The following NRG3 variants were observed in gnomAD, a reference collection of about 807,000 sequenced individuals.
The protein encoded by NRG3 is pro-neuregulin-3, membrane-bound isoform.
In NRG3, 31 loss-of-function variants were observed where a neutral mutation model predicts 66.9. That is an observed-to-expected ratio of 0.46 (90% CI 0.35 to 0.63). The LOEUF (loss-of-function observed/expected upper bound fraction) is 0.63. NRG3 is among the 20% of genes least tolerant of loss of function. NRG3 has a pLI of 0.00. For missense variants in NRG3, 910 were observed against 878.9 expected (o/e 1.04, Z -0.45); for synonymous variants, 393 against 359.4 (o/e 1.09, Z -1.06).
Position 81,875,908 on chromosome 10 carries a change from C to T in NRG3, c.568C>T (p.Pro190Ser), listed in dbSNP as rs772311837. ...RSTTARNTAA[P>S]ATVPSTTAPF... ...CACCACAGCACGGAACACTGCGGCCCCTGCGACGGTCCCGTCCACCACGGC... is the reference window on the plus strand; with the variant it reads ...CACCACAGCACGGAACACTGCGGCCTCTGCGACGGTCCCGTCCACCACGGC... The change falls in exon 1 of 9, where the codon CCT becomes TCT. Residue 190 changes from proline to serine, a missense_variant. Physicochemically the swap from Pro to Ser is moderately conservative, Grantham distance 74 (BLOSUM62 -1). Coordinates refer to ENST00000372141, the MANE Select transcript of NRG3 (RefSeq NM_001010848.4). The surrounding 1 kb of genome is among the most constrained non-coding windows in gnomAD (Gnocchi z 5.3). 10 of 1,612,812 alleles carry T rather than the reference C, an allele frequency of 6.2e-6. No individual in the cohort carries two copies. Among genetic ancestry groups the T allele is most frequent in the Admixed American group, 5.0e-5 (3 of 59,990 alleles).
intron 1 of NRG3, among the ~76,000 whole-genome samples, chr10:82,315,287 T>C (rs935798164): frequency 6.6e-6 from 1 of 152,210 alleles, no homozygotes; most frequent in African/African-American, 2.4e-5. Context: ...TCTGAGCCCT[T>C]TGTGGAGCCT....
chr10:82,639,202 G>A (rs192703657), intron 2 of NRG3, among the ~76,000 whole-genome samples: 1 of 152,180 alleles, frequency 6.6e-6, no homozygotes, highest in Non-Finnish European at 1.5e-5. Context: ...GCTCACAGTT[G>A]TGGAGGTTGG....
chr10:82,293,177 C>T lies in NRG3; in HGVS notation c.824-65562C>T, dbSNP rs903063938. Among the ~76,000 whole-genome samples the T allele has an allele frequency of 5.9e-5, 9 of 152,254 alleles. No individual in the cohort carries two copies. In the East Asian group the frequency reaches 1.5e-3, roughly 26 times the overall value. ...TTCAGGTACAAGATGGGCTCCTCAG[C>T]CTCCGTCCCAGATGGTCTACGTTGA... On this transcript the variant is annotated intron_variant, in intron 1 of 8. Transcript: ENST00000372141.
intron 4 of NRG3, among the ~76,000 whole-genome samples, chr10:82,901,761 G>A (rs182453768): frequency 6.6e-6 from 1 of 152,318 alleles, no homozygotes; most frequent in East Asian, 1.9e-4. Context: ...TTTTATAATT[G>A]TGAAGAACTT....
chr10:82,867,125 G>A (rs1358307007), intron 4 of NRG3, among the ~76,000 whole-genome samples: 4 of 152,108 alleles, frequency 2.6e-5, no homozygotes, highest in African/African-American at 7.2e-5. Context: ...GCTCAAAGAC[G>A]GTAGCAATTT....
In NRG3 at chr10:81,938,647, A is replaced by ATGTGTGTGTGTGTG. The variant is rs766914179; in HGVS notation, c.823+62486_823+62487insTGTGTGTGTGTGTG. 4.6e-4 allele frequency among the ~76,000 whole-genome samples: 52 copies of ATGTGTGTGTGTGTG among 113,162 alleles called. No individual in the cohort carries two copies. In the East Asian group the frequency reaches 7.8e-3, roughly 17 times the overall value. The allele number at this position is 113,162 out of a possible 152,430, so 74.2% of individuals were successfully genotyped here. A position where few individuals can be genotyped will look rare whatever the true frequency, so the allele number is the denominator to read the frequency against. ...TGTGTGTGTGTGTGTGTGTGCATGCATGCATGCATGCAAAAATTTTAAGGT... is the reference window on the plus strand; with the variant it reads ...TGTGTGTGTGTGTGTGTGTGCATGCATGTGTGTGTGTGTGTGCATGCATGCAAAAATTTTAAGGT... On this transcript the variant is annotated intron_variant, in intron 1 of 8. Transcript: ENST00000372141.
At chr10:82,528,553 A>T (rs1285002647) in intron 2 of NRG3, among the ~76,000 whole-genome samples, 2 of 151,162 alleles carry the variant, frequency 1.3e-5, no homozygotes, top group African/African-American at 4.9e-5. Flanking sequence ...TAAATAAAAG[A>T]CTCCTGGACT....
intron 1 of NRG3, among the ~76,000 whole-genome samples, chr10:81,893,500 C>A (rs760015019): frequency 2.0e-5 from 3 of 151,866 alleles, no homozygotes; most frequent in Non-Finnish European, 2.9e-5. Flanking sequence ...TGTGAAATTT[C>A]TAAATTCACA....
intron 2 of NRG3, among the ~76,000 whole-genome samples, chr10:82,386,000 G>A (rs1368021945): frequency 1.3e-5 from 2 of 152,074 alleles, no homozygotes; most frequent in Non-Finnish European, 2.9e-5. Flanking sequence ...ATGCTAGCAA[G>A]TAGTAATTCA....
At chr10:82,933,297 A>G (rs934951879) in intron 4 of NRG3, among the ~76,000 whole-genome samples, 3 of 152,076 alleles carry the variant, frequency 2.0e-5, no homozygotes, top group Non-Finnish European at 4.4e-5. Flanking sequence ...CATGTGGCAT[A>G]AGCTGGGTTT....
intron 1 of NRG3, among the ~76,000 whole-genome samples, chr10:82,205,891 T>C (rs879387596): frequency 6.6e-6 from 1 of 152,222 alleles, no homozygotes; most frequent in Non-Finnish European, 1.5e-5. Flanking sequence ...ATTTCATTTA[T>C]GTTCTTTAAT....
chr10:82,436,005 T>C lies in NRG3; in HGVS notation c.953+77137T>C, dbSNP rs544082884. Among the ~76,000 whole-genome samples, 8 of 152,238 alleles carry C rather than the reference T, an allele frequency of 5.3e-5. No homozygotes were observed. In the East Asian group the frequency reaches 1.5e-3, roughly 29 times the overall value. ...GTGCCATGTGGCACTGAGAAGAATA[T>C]ATATTCTGTTGATTTGGGGTAGAGA... On this transcript the variant is annotated intron_variant, in intron 2 of 8. Transcript: ENST00000372141.
At chr10:81,952,110 AG>A (rs1173230035) in intron 1 of NRG3, among the ~76,000 whole-genome samples, 1 of 151,834 alleles carries the variant, frequency 6.6e-6, no homozygotes, top group Non-Finnish European at 1.5e-5. Flanking sequence ...GGAAGGGGGG[AG>A]GGATAGCATT....
chr10:81,965,643 C>T (rs1053301287), intron 1 of NRG3, among the ~76,000 whole-genome samples: 2 of 151,902 alleles, frequency 1.3e-5, no homozygotes, highest in Non-Finnish European at 2.9e-5. Flanking sequence ...TAGATTTATC[C>T]TCAGATATTT....
intron 3 of NRG3, among the ~76,000 whole-genome samples, chr10:82,838,134 G>T (rs1275909792): frequency 6.6e-6 from 1 of 152,094 alleles, no homozygotes; most frequent in East Asian, 1.9e-4. Context: ...GTCTTTTAAA[G>T]AAAAGAAATT....
chr10:82,449,016 G>A (rs1197994776), intron 2 of NRG3, among the ~76,000 whole-genome samples: 1 of 152,128 alleles, frequency 6.6e-6, no homozygotes, highest in Admixed American at 6.6e-5. Context: ...TACACTGAAT[G>A]AATAGGGGAA....
chr10:82,016,978 ACAACGTG>A (rs2061812182), intron 1 of NRG3, among the ~76,000 whole-genome samples: 1 of 152,222 alleles, frequency 6.6e-6, no homozygotes, highest in Non-Finnish European at 1.5e-5. Flanking sequence ...GTACATGTGC[ACAACGTG>A]CACGTTTGTT....
intron 2 of NRG3, among the ~76,000 whole-genome samples, chr10:82,601,319 T>C (rs1251778933): frequency 2.0e-5 from 3 of 152,230 alleles, no homozygotes; most frequent in Admixed American, 2.0e-4. Flanking sequence ...ATTCTGAGTT[T>C]GTTCATACAC....
intron 2 of NRG3, among the ~76,000 whole-genome samples, chr10:82,661,663 A>G (rs1301643387): frequency 6.6e-6 from 1 of 152,138 alleles, no homozygotes; most frequent in African/African-American, 2.4e-5. Flanking sequence ...GCAGGTGATC[A>G]ATGATGATAA....
Sources: allele counts gnomAD v4.1 joint callset (sites outside exome capture counted in the v4.1 genomes callset), GRCh38; gene constraint gnomAD v4.1.1; non-coding constraint Gnocchi (gnomAD v3.1); transcripts MANE v1.5; gene names NCBI Gene and HGNC (gene_info 2026-07-23, HGNC 2026-07-21).